Variants in PTPRN2 observed in about 807,000 individuals in gnomAD.
The protein encoded by PTPRN2 is receptor-type tyrosine-protein phosphatase N2.
PTPRN2 carries 74 observed loss-of-function variants against 118.8 expected under a neutral mutation model. The ratio of observed to expected loss-of-function variants is 0.62; its 90% CI spans 0.52 to 0.76. The LOEUF is 0.76. PTPRN2 is among the 30% of genes least tolerant of loss of function. The pLI is 0.00. For synonymous variants in PTPRN2, 641 were observed against 608.0 expected (o/e 1.05, Z -0.80); for missense variants, 1,481 against 1,394.4 (o/e 1.06, Z -0.99).
At chr7:157,565,318 G>C (rs892629146) in intron 21 of PTPRN2, among the ~76,000 whole-genome samples, 1 of 152,248 alleles carries the variant, frequency 6.6e-6, no homozygotes, top group Non-Finnish European at 1.5e-5. Context: ...CTCCAGCATG[G>C]GCTCACAAGC....
chr7:157,819,739 C>T (rs556459062), intron 12 of PTPRN2, among the ~76,000 whole-genome samples: 39 of 152,178 alleles, frequency 2.6e-4, no homozygotes, highest in African/African-American at 7.5e-4. Context: ...TCCCTCTGCA[C>T]GCCCCATCAC....
intron 11 of PTPRN2, among the ~76,000 whole-genome samples, chr7:157,916,060 A>C (rs1477582892): frequency 6.6e-6 from 1 of 152,258 alleles, no homozygotes; most frequent in Non-Finnish European, 1.5e-5. Context: ...GCTAAATATA[A>C]CTAAACACAG....
Position 158,167,106 on chromosome 7 carries a change from G to GGCC in PTPRN2, c.732_734dup (p.Ala245dup). ...GCCTCTGGGCAGCATAGGCACTGAG[G>GGCC]GCCGCCATCAGATGGTGTCTGTCCA... is the stretch of plus-strand genomic sequence containing the variant. On this transcript the variant is annotated inframe_insertion, in exon 6 of 23. Transcript: ENST00000389418. The GGCC allele has an allele frequency of 6.2e-7, 1 of 1,613,222 alleles. No individual in the cohort carries two copies. Among genetic ancestry groups the GGCC allele is most frequent in the East Asian group, 2.2e-5 (1 of 44,858 alleles).
chr7:158,522,118 G>C (rs369445213), intron 1 of PTPRN2, among the ~76,000 whole-genome samples: 3 of 74,266 alleles, frequency 4.0e-5, no homozygotes, highest in East Asian at 4.8e-4. Flanking sequence ...CACAATGGTG[G>C]ACTGTCCAGG....
chr7:158,379,671 G>C (rs1353167375), intron 2 of PTPRN2, among the ~76,000 whole-genome samples: 1 of 152,216 alleles, frequency 6.6e-6, no homozygotes, highest in African/African-American at 2.4e-5. Flanking sequence ...CTAAGAAACA[G>C]CACAGATGAA....
At chr7:158,260,927 G>A (rs1268174887) in intron 3 of PTPRN2, among the ~76,000 whole-genome samples, 1 of 152,154 alleles carries the variant, frequency 6.6e-6, no homozygotes, top group African/African-American at 2.4e-5. Flanking sequence ...GAGAGACAGG[G>A]GAGGAGAGAG....
intron 12 of PTPRN2, among the ~76,000 whole-genome samples, chr7:157,747,804 A>G (rs1232759771): frequency 5.5e-3 from 260 of 47,278 alleles, no homozygotes; most frequent in Middle Eastern, 0.022. Flanking sequence ...TGGGCTGTTG[A>G]GGTGATTCTG....
chr7:157,847,728 A>G (rs6952528), intron 12 of PTPRN2, among the ~76,000 whole-genome samples: 87 of 98,704 alleles, frequency 8.8e-4, no homozygotes, highest in African/African-American at 1.2e-3. Flanking sequence ...ATGTGTGCCC[A>G]ATGTCTACAG....
chr7:157,681,569 T>C (rs7796921), intron 13 of PTPRN2, among the ~76,000 whole-genome samples: 87,590 of 151,958 alleles, frequency 0.58, 25,923 homozygotes, highest in Non-Finnish European at 0.65. Flanking sequence ...AATTTTGAAA[T>C]GGGAGGAAAA....
At chr7:157,839,838 T>C (rs1808243285) in intron 12 of PTPRN2, among the ~76,000 whole-genome samples, 1 of 149,890 alleles carries the variant, frequency 6.7e-6, no homozygotes. Flanking sequence ...TGGCCACGTG[T>C]GACTGTGTGA....
At position 157,744,677 on chromosome 7, in the gene PTPRN2, G is replaced by T. The variant is rs148393193; in HGVS notation, c.1789-61740C>A. On this transcript the variant is annotated intron_variant, in intron 12 of 22. Coordinates refer to ENST00000389418, the MANE Select transcript of PTPRN2 (RefSeq NM_002847.5). ...ATGTTTAAATGTGTGAGGCACTTCA[G>T]TACCATCAGAACGTGTGCAGAAGAC... Among the ~76,000 whole-genome samples, 653 of 152,326 alleles carry T rather than the reference G, an allele frequency of 4.3e-3. 2 individuals carry two copies. Among genetic ancestry groups the T allele is most frequent in the Middle Eastern group, 0.014 (4 of 294 alleles).
Position 157,779,171 on chromosome 7 carries a change from G to A in PTPRN2, c.1789-96234C>T, listed in dbSNP as rs1285525920. Among the ~76,000 whole-genome samples the A allele has an allele frequency of 1.3e-5, 2 of 152,154 alleles. No individual in the cohort carries two copies. The highest frequency in any genetic ancestry group is 6.5e-5 in the Admixed American group (1 of 15,280). On this transcript the variant is annotated intron_variant, in intron 12 of 22. Transcript: ENST00000389418. The surrounding 1 kb of genome is among the most constrained non-coding windows in gnomAD (Gnocchi z 4.7). ...AGGCCTTACATATAGAGGTAGTAGCGCTACATTGAGGATGCTGGACACGGC... is the reference window on the plus strand; with the variant it reads ...AGGCCTTACATATAGAGGTAGTAGCACTACATTGAGGATGCTGGACACGGC...
At chr7:158,202,510 C>G (rs1403541185) in intron 4 of PTPRN2, among the ~76,000 whole-genome samples, 1 of 152,176 alleles carries the variant, frequency 6.6e-6, no homozygotes, top group Non-Finnish European at 1.5e-5. Context: ...GCCCTCCATG[C>G]TGGGTGCAGC....
At chr7:158,242,979 T>C (rs896086094) in intron 3 of PTPRN2, among the ~76,000 whole-genome samples, 1 of 152,254 alleles carries the variant, frequency 6.6e-6, no homozygotes, top group Non-Finnish European at 1.5e-5. Flanking sequence ...CCAATTTTGA[T>C]GATCTTTCCT....
At chr7:158,531,833 C>T (rs1461755709) in intron 1 of PTPRN2, among the ~76,000 whole-genome samples, 1 of 152,152 alleles carries the variant, frequency 6.6e-6, no homozygotes. Context: ...TACACAAACA[C>T]ATGCCTCCTC....
chr7:158,251,329 C>A (rs9690471), intron 3 of PTPRN2, among the ~76,000 whole-genome samples: 1 of 152,152 alleles, frequency 6.6e-6, no homozygotes, highest in African/African-American at 2.4e-5. Flanking sequence ...CCTTACTGCA[C>A]GGATATGATA....
At chr7:157,887,648 G>T (rs1434714946) in intron 12 of PTPRN2, among the ~76,000 whole-genome samples, 2 of 19,912 alleles carry the variant, frequency 1.0e-4, no homozygotes, top group East Asian at 1.7e-3. Context: ...CCACTCCCCA[G>T]TACCCACTCC....
intron 11 of PTPRN2, among the ~76,000 whole-genome samples, chr7:157,900,214 C>T (rs1377098909): frequency 1.3e-5 from 2 of 152,206 alleles, no homozygotes; most frequent in African/African-American, 2.4e-5. Context: ...GGGTCAGGCT[C>T]GGCAGGCCCA....
Position 157,582,444 on chromosome 7 carries a change from C to T in PTPRN2, c.2497-4304G>A, listed in dbSNP as rs77559755. ...ATCAGGGAAATGCAAATCAAAACCACAGCGCACTGGCACCTCGTGCCTGTT... is the reference window on the plus strand; with the variant it reads ...ATCAGGGAAATGCAAATCAAAACCATAGCGCACTGGCACCTCGTGCCTGTT... On this transcript the variant is annotated intron_variant, in intron 17 of 22. Coordinates refer to ENST00000389418, the MANE Select transcript of PTPRN2 (RefSeq NM_002847.5). Among the ~76,000 whole-genome samples the T allele has an allele frequency of 8.5e-3, 1,296 of 152,284 alleles. 19 individuals carry two copies. The highest frequency in any genetic ancestry group is 0.029 in the African/African-American group (1,222 of 41,550).
Sources: allele counts gnomAD v4.1 joint callset (sites outside exome capture counted in the v4.1 genomes callset), GRCh38; gene constraint gnomAD v4.1.1; non-coding constraint Gnocchi (gnomAD v3.1); transcripts MANE v1.5; gene names NCBI Gene and HGNC (gene_info 2026-07-23, HGNC 2026-07-21).